Variants in DGKB observed in about 807,000 individuals in gnomAD.
The protein encoded by DGKB is diacylglycerol kinase beta.
A neutral mutation model predicts 114.3 loss-of-function variants in DGKB; 67 were observed. The ratio of observed to expected loss-of-function variants is 0.59; its 90% confidence interval spans 0.48 to 0.72. The LOEUF is 0.72. Among genes scored for constraint, DGKB ranks in the 30% least tolerant of loss-of-function variants. DGKB has a pLI of 0.00. For missense variants in DGKB, 907 were observed against 975.2 expected, an observed-to-expected ratio of 0.93 and a Z score of 0.93; for synonymous variants, 398 against 323.1, an observed-to-expected ratio of 1.23 and a Z score of -2.49.
intron 2 of DGKB, among the ~76,000 whole-genome samples, chr7:14,779,526 A>G (rs1838752670): frequency 6.6e-6 from 1 of 152,244 alleles, no homozygotes; most frequent in Non-Finnish European, 1.5e-5. Flanking sequence ...ACAGAAAAAA[A>G]AGAATATGAT....
intron 4 of DGKB, among the ~76,000 whole-genome samples, chr7:14,743,637 T>C (rs1006439235): frequency 2.2e-4 from 34 of 152,214 alleles, no homozygotes; most frequent in Admixed American, 2.0e-4. Flanking sequence ...CTTCAGGTTA[T>C]ATTTTAGTGA....
intron 6 of DGKB, among the ~76,000 whole-genome samples, chr7:14,703,968 A>T (rs537289819): frequency 6.6e-6 from 1 of 152,322 alleles, no homozygotes; most frequent in East Asian, 1.9e-4. Flanking sequence ...ACACCTTATT[A>T]AAGTGTACAC....
intron 1 of DGKB, among the ~76,000 whole-genome samples, chr7:14,895,649 G>A (rs551423490): frequency 6.6e-6 from 1 of 151,030 alleles, no homozygotes; most frequent in Non-Finnish European, 1.5e-5. Context: ...TTCTTTCACC[G>A]ATCCTGGCAG....
rs536486935 is a variant in DGKB at position 14,699,457 on chromosome 7, A to G, written c.517-1288T>C. On this transcript the variant is annotated intron_variant, in intron 7 of 25. Transcript: ENST00000402815. ...AAGACTCAGTTTTCTCGTTGGTAAA[A>G]TAGCTACTCTAACTTTACCTCCTTC... Among the ~76,000 whole-genome samples, 7 of 152,312 alleles carry G rather than the reference A, an allele frequency of 4.6e-5. No homozygotes were observed. The East Asian group carries it at 1.3e-3, about 29-fold the overall frequency.
chr7:14,502,391 A>C (rs1002419397), intron 20 of DGKB, among the ~76,000 whole-genome samples: 2 of 151,976 alleles, frequency 1.3e-5, no homozygotes, highest in Admixed American at 6.6e-5. Context: ...GAATCAAAGA[A>C]AAAAACATCC....
chr7:14,370,326 T>C (rs751203387), intron 21 of DGKB, among the ~76,000 whole-genome samples: 73 of 151,876 alleles, frequency 4.8e-4, no homozygotes, highest in Admixed American at 3.9e-4. Flanking sequence ...TTGGTTACTG[T>C]AGCCTTGTAG....
intron 20 of DGKB, among the ~76,000 whole-genome samples, chr7:14,483,887 C>T (rs141797015): frequency 6.6e-6 from 1 of 152,196 alleles, no homozygotes; most frequent in African/African-American, 2.4e-5. Context: ...CCTAGGAGCA[C>T]CTCGATTTTA....
At chr7:14,940,358 ATTTCTAC>A (rs1785506397) in intron 1 of DGKB, among the ~76,000 whole-genome samples, 1 of 148,830 alleles carries the variant, frequency 6.7e-6, no homozygotes. Context: ...TTTTTTTTTA[ATTTCTAC>A]AAGTTTTTAT....
intron 1 of DGKB, among the ~76,000 whole-genome samples, chr7:14,845,734 G>A (rs1211034782): frequency 2.6e-5 from 4 of 151,798 alleles, no homozygotes; most frequent in Non-Finnish European, 5.9e-5. Context: ...GGTTGAGAAA[G>A]AGAAAATAGT....
chr7:14,501,906 G>A (rs1442104304), intron 20 of DGKB, among the ~76,000 whole-genome samples: 1 of 151,902 alleles, frequency 6.6e-6, no homozygotes, highest in African/African-American at 2.4e-5. Context: ...ATGGGGTCTG[G>A]ACTTCGAACA....
At position 14,468,136 on chromosome 7, in the gene DGKB, C is replaced by T. The variant is rs79657453; in HGVS notation, c.1835+10025G>A. On this transcript the variant is annotated intron_variant, in intron 21 of 25. Transcript: ENST00000402815. ...ATCAAATTAACTAAATTATATGGCA[C>T]GGATTTTATTTATACTAACAAAACA... Among the ~76,000 whole-genome samples, 84 of 152,180 alleles carry T rather than the reference C, an allele frequency of 5.5e-4. 1 individual carries two copies. The East Asian group carries it at 0.013, about 24-fold the overall frequency.
At chr7:14,805,898 T>G (rs2128063162) in intron 2 of DGKB, among the ~76,000 whole-genome samples, 1 of 150,488 alleles carries the variant, frequency 6.6e-6, no homozygotes, top group South Asian at 2.1e-4. Context: ...TATTTTATAT[T>G]TATAATAATA....
intron 1 of DGKB, among the ~76,000 whole-genome samples, chr7:14,895,185 T>C (rs1335943962): frequency 1.3e-5 from 2 of 151,636 alleles, no homozygotes; most frequent in Non-Finnish European, 3.0e-5. Flanking sequence ...TCCTATAATA[T>C]ACAGGTAACA....
At chr7:14,856,450 C>T (rs1003798627) in intron 1 of DGKB, among the ~76,000 whole-genome samples, 22 of 152,030 alleles carry the variant, frequency 1.4e-4, no homozygotes, top group Non-Finnish European at 1.5e-5. Flanking sequence ...TATTTCTATG[C>T]TTCTTTTATT....
At chr7:14,933,562 A>C (rs1252366811) in intron 1 of DGKB, among the ~76,000 whole-genome samples, 1 of 152,110 alleles carries the variant, frequency 6.6e-6, no homozygotes, top group Non-Finnish European at 1.5e-5. Flanking sequence ...ATCACTCCAA[A>C]ATTTCCTTCA....
chr7:14,314,413 T>A (rs1459364542), intron 23 of DGKB, among the ~76,000 whole-genome samples: 1 of 150,514 alleles, frequency 6.6e-6, no homozygotes, highest in African/African-American at 2.4e-5. Context: ...ATAACTAGAA[T>A]AACCAATACA....
At position 14,643,649 on chromosome 7, in the gene DGKB, C is replaced by T. The variant is rs182649174; in HGVS notation, c.1135-13381G>A. ...TCTAAACCCTTAGGAAGTCTGCCTC[C>T]AGGACACAGGTAGCTGAAGCATGTG... On this transcript the variant is annotated intron_variant, in intron 13 of 25. Transcript: ENST00000402815. Among the ~76,000 whole-genome samples the T allele has an allele frequency of 2.6e-5, 4 of 152,256 alleles. No individual in the cohort carries two copies. In the East Asian group the frequency reaches 5.8e-4, roughly 22 times the overall value.
intron 20 of DGKB, among the ~76,000 whole-genome samples, chr7:14,509,652 G>C (rs1269846683): frequency 6.6e-6 from 1 of 152,180 alleles, no homozygotes; most frequent in Non-Finnish European, 1.5e-5. Context: ...TAAGAACAAA[G>C]GGCTTATAAA....
intron 17 of DGKB, among the ~76,000 whole-genome samples, chr7:14,600,520 A>G (rs1205252863): frequency 6.6e-6 from 1 of 152,208 alleles, no homozygotes; most frequent in African/African-American, 2.4e-5. Context: ...TAAATAATAC[A>G]GAGTTACCAC....
Sources: allele counts gnomAD v4.1 joint callset (sites outside exome capture counted in the v4.1 genomes callset), GRCh38; gene constraint gnomAD v4.1.1; transcripts MANE v1.5; gene names NCBI Gene and HGNC (gene_info 2026-07-23, HGNC 2026-07-21).